Variants in SINHCAF observed in about 807,000 individuals in gnomAD.
SINHCAF encodes the protein SIN3-HDAC complex associated factor, also known as SIN3-HDAC complex-associated factor.
Under a neutral mutation model 25.8 loss-of-function variants are expected in SINHCAF, and 3 were observed. The ratio of observed to expected loss-of-function variants is 0.12; its 90% CI spans 0.05 to 0.30. The LOEUF is 0.30. Ranked by LOEUF, SINHCAF falls within the 10% of genes least tolerant of loss-of-function variation. The pLI is 1.00. For missense variants in SINHCAF, 121 were observed against 262.3 expected (o/e 0.46, Z 3.72); for synonymous variants, 70 against 85.5 (o/e 0.82, Z 1.00).
At chr12:31,292,595 T>C (rs528711677) in intron 4 of SINHCAF, among the ~76,000 whole-genome samples, 3 of 152,172 alleles carry the variant, frequency 2.0e-5, no homozygotes, top group Admixed American at 6.6e-5. Flanking sequence ...TTAGGAAAGG[T>C]AAGTGTATAA....
At chr12:31,290,012 A>G (rs1189196092) in intron 4 of SINHCAF, among the ~76,000 whole-genome samples, 1 of 151,968 alleles carries the variant, frequency 6.6e-6, no homozygotes, top group Non-Finnish European at 1.5e-5. Context: ...AATTTTTAGC[A>G]GAGACAAGGT....
At chr12:31,283,420 T>C (rs1937889106) in intron 5 of SINHCAF, among the ~76,000 whole-genome samples, 1 of 151,954 alleles carries the variant, frequency 6.6e-6, no homozygotes, top group Non-Finnish European at 1.5e-5. Context: ...CTGGCCAACA[T>C]GGCGAAACCC....
chr12:31,293,835 T>C lies in SINHCAF; in HGVS notation c.325A>G (p.Ser109Gly). ...CGTTTAAATTCCTTCTGCAGTTTAC[T>C]GATCTGGTTGCTTTTTATCCTGTTC... Reference protein sequence around the residue: ...SGNRIKSNQISKLQKEFKRHN... With the variant: ...SGNRIKSNQIGKLQKEFKRHN... Residue 109 changes from serine to glycine, a missense_variant, in exon 4 of 6, where the codon AGT becomes GGT. Physicochemically the swap from Ser to Gly is moderately conservative, Grantham distance 56 (BLOSUM62 0). Coordinates refer to ENST00000337682, the MANE Select transcript of SINHCAF (RefSeq NM_001135812.2). 6.2e-7 allele frequency: 1 copy of C among 1,610,060 alleles called. No homozygotes were observed. Among genetic ancestry groups the C allele is most frequent in the South Asian group, 1.1e-5 (1 of 90,192 alleles).
Position 31,298,350 on chromosome 12 carries a change from T to A in SINHCAF, c.-20-126A>T, listed in dbSNP as rs1938632793. 7.6e-6 allele frequency: 8 copies of A among 1,052,696 alleles called. No homozygotes were observed. The South Asian group carries it at 1.1e-4, about 14-fold the overall frequency. 65.2% of individuals were successfully genotyped at this position (1,052,696 alleles called of 1,614,324 possible). A position where few individuals can be genotyped will look rare whatever the true frequency, so the allele number is the denominator to read the frequency against. On this transcript the variant is annotated intron_variant, in intron 1 of 5. Coordinates refer to ENST00000337682, the MANE Select transcript of SINHCAF (RefSeq NM_001135812.2). The stretch of plus-strand genomic sequence containing the variant: ...TATATGACCAAGACAGGCAGGCAGC[T>A]CAAGGGAAGACCTCCTGGATCGACC...
At chr12:31,301,829 A>G (rs904861493) in intron 1 of SINHCAF, among the ~76,000 whole-genome samples, 1 of 152,132 alleles carries the variant, frequency 6.6e-6, no homozygotes, top group Non-Finnish European at 1.5e-5. Context: ...AAGTTACTTT[A>G]TATATTTAAC....
At chr12:31,290,980 A>T (rs1401061176) in intron 4 of SINHCAF, among the ~76,000 whole-genome samples, 1 of 152,204 alleles carries the variant, frequency 6.6e-6, no homozygotes, top group Non-Finnish European at 1.5e-5. Context: ...CGGCCTCCCA[A>T]AGTGCTGGGA....
At chr12:31,284,298 A>G (rs2137066886) in intron 5 of SINHCAF, among the ~76,000 whole-genome samples, 1 of 152,298 alleles carries the variant, frequency 6.6e-6, no homozygotes. Flanking sequence ...TGATTTTCAA[A>G]AAGTTTGAAC....
chr12:31,311,438 A>G (rs935498288), intron 1 of SINHCAF, among the ~76,000 whole-genome samples: 1 of 152,234 alleles, frequency 6.6e-6, no homozygotes, highest in Non-Finnish European at 1.5e-5. Flanking sequence ...CGATCTTCAT[A>G]AGGGTCAGGA....
chr12:31,298,471 C>T (rs762717537), intron 1 of SINHCAF: 1 of 408,830 alleles, frequency 2.4e-6, no homozygotes, highest in Non-Finnish European at 4.5e-6. Context: ...GCCTAACAAA[C>T]ATGCAATCTA....
At chr12:31,286,023 G>C (rs911823865) in intron 5 of SINHCAF, among the ~76,000 whole-genome samples, 1 of 150,118 alleles carries the variant, frequency 6.7e-6, no homozygotes. Context: ...GTGGTTTAAA[G>C]TACTTTAAAG....
At chr12:31,304,332 A>G (rs1938938750) in intron 1 of SINHCAF, 1 of 152,240 alleles carries the variant, frequency 6.6e-6, no homozygotes, top group Admixed American at 6.5e-5. Context: ...AAAGGCCTGC[A>G]TAAGCATGAT....
At chr12:31,307,972 C>A (rs906337134) in intron 1 of SINHCAF, among the ~76,000 whole-genome samples, 1 of 152,138 alleles carries the variant, frequency 6.6e-6, no homozygotes, top group Non-Finnish European at 1.5e-5. Flanking sequence ...ACAACAACAA[C>A]AGACTCTTGC....
Position 31,324,613 on chromosome 12 carries a change from G to T in SINHCAF, c.-21+1411C>A, listed in dbSNP as rs577553482. 27 of 256,134 alleles carry T rather than the reference G, an allele frequency of 1.1e-4. No homozygotes were observed. The highest frequency in any genetic ancestry group is 1.6e-3 in the Middle Eastern group (1 of 620). The allele number at this position is 256,134 out of a possible 1,614,324, so 15.9% of individuals were successfully genotyped here. ...CTGCACGGCCCTACGCCCAGGCGGC[G>T]GCCCCGAGCGCCGGGGGCCCGCACG... On this transcript the variant is annotated intron_variant, in intron 1 of 5. Transcript: ENST00000337682. The surrounding 1 kb of genome is among the most constrained non-coding windows in gnomAD (Gnocchi z 5.5).
chr12:31,287,731 A>G lies in SINHCAF; in HGVS notation c.409T>C (p.Tyr137His). ...GAGCCGTCATCTGACTGGTTACTGTAACAAGGAGATTGAGCTGGGGAGGCA... is the reference window on the plus strand; with the variant it reads ...GAGCCGTCATCTGACTGGTTACTGTGACAAGGAGATTGAGCTGGGGAGGCA... ...SSASPAQSPC[Y>H]SNQSDDGSDT... Residue 137 changes from tyrosine to histidine, a missense_variant, in exon 5 of 6, where the codon TAC becomes CAC. Tyr to His is a moderately conservative substitution (Grantham distance 83). Transcript: ENST00000337682. 3 of 1,611,474 alleles carry G rather than the reference A, an allele frequency of 1.9e-6. No homozygotes were observed. Among genetic ancestry groups the G allele is most frequent in the East Asian group, 2.2e-5 (1 of 44,856 alleles).
chr12:31,287,914 G>A, intron 4 of SINHCAF, 130 bp from the exon 5 acceptor site: 1 of 567,722 alleles, frequency 1.8e-6, no homozygotes, highest in Non-Finnish European at 2.9e-6. Context: ...CATTTTCTAT[G>A]CACTACTGAT....
intron 1 of SINHCAF, among the ~76,000 whole-genome samples, chr12:31,300,358 G>A (rs1017908319): frequency 6.6e-6 from 1 of 152,188 alleles, no homozygotes. Flanking sequence ...GCAGGCAAAA[G>A]AGTGGGATGG....
chr12:31,282,541 G>GAAA lies in SINHCAF; in HGVS notation c.*170_*171insTTT, dbSNP rs2137063034. On this transcript the variant is annotated 3_prime_UTR_variant, in exon 6 of 6. Transcript: ENST00000337682. ...GGAGGCTGAGGCAGGAGAATCACTT[G>GAAA]AACCCGGGAGACGGAAGTTGCAGTG... The GAAA allele has an allele frequency of 2.0e-6, 1 of 499,062 alleles. No homozygotes were observed. Among genetic ancestry groups the GAAA allele is most frequent in the Admixed American group, 3.9e-5 (1 of 25,824 alleles). The allele number at this position is 499,062 out of a possible 1,614,324, so 30.9% of individuals were successfully genotyped here.
At chr12:31,312,150 T>C (rs983535725) in intron 1 of SINHCAF, 9 of 408,938 alleles carry the variant, frequency 2.2e-5, no homozygotes, top group Non-Finnish European at 3.3e-5. Context: ...TTAAACTTAA[T>C]TGGAACTATA....
chr12:31,308,284 G>A lies in SINHCAF; in HGVS notation c.-20-10060C>T, dbSNP rs1037426769. ...TGTTGCACAGCTGGCTGTCCCTCAC[G>A]AGTCCACATGATGGGATCAGGCTGG... On this transcript the variant is annotated intron_variant, in intron 1 of 5. Transcript: ENST00000337682. Among the ~76,000 whole-genome samples, 5 of 152,194 alleles carry A rather than the reference G, an allele frequency of 3.3e-5. No individual in the cohort carries two copies. The East Asian group carries it at 7.7e-4, about 24-fold the overall frequency.
Sources: gnomAD v4.1 joint callset for allele counts (sites outside exome capture counted in the v4.1 genomes callset) on GRCh38, gnomAD v4.1.1 for gene constraint, Gnocchi (gnomAD v3.1) non-coding constraint, MANE v1.5 for transcripts, NCBI Gene and HGNC (gene_info 2026-07-23, HGNC 2026-07-21) for gene names.